CDH13: variants seen among roughly 807,000 people sequenced by gnomAD.
CDH13 encodes the protein cadherin-13.
Under a neutral mutation model 63.8 loss-of-function variants are expected in CDH13, and 24 were observed. That is an observed-to-expected ratio of 0.38 (90% CI 0.27 to 0.53). The LOEUF is 0.53. Among genes scored for constraint, CDH13 ranks in the 20% least tolerant of loss-of-function variants. The pLI is 0.85. For synonymous variants in CDH13, 503 were observed against 355.3 expected (o/e 1.42, Z -4.67); for missense variants, 1,049 against 903.1 (o/e 1.16, Z -2.07).
intron 7 of CDH13, among the ~76,000 whole-genome samples, chr16:83,499,473 G>C (rs1256193731): frequency 6.6e-6 from 1 of 152,240 alleles, no homozygotes; most frequent in African/African-American, 2.4e-5. Flanking sequence ...CCTTGTGCTA[G>C]AGAAACATCA....
chr16:82,748,677 C>G (rs2034284919), intron 1 of CDH13, among the ~76,000 whole-genome samples: 1 of 152,158 alleles, frequency 6.6e-6, no homozygotes, highest in South Asian at 2.1e-4. Context: ...ATGTTAGCCT[C>G]ACTGTGCTTG....
chr16:83,704,319 C>T (rs1598520604), intron 10 of CDH13, among the ~76,000 whole-genome samples: 1 of 152,138 alleles, frequency 6.6e-6, no homozygotes, highest in African/African-American at 2.4e-5. Context: ...CTCAAAGATA[C>T]AATAAAATGC....
At chr16:83,122,562 C>A (rs764083528) in intron 3 of CDH13, among the ~76,000 whole-genome samples, 2 of 152,178 alleles carry the variant, frequency 1.3e-5, no homozygotes, top group African/African-American at 4.8e-5. Flanking sequence ...TGACAATACA[C>A]TGAATACAAG....
intron 5 of CDH13, among the ~76,000 whole-genome samples, chr16:83,318,197 A>G (rs1336399952): frequency 6.6e-6 from 1 of 152,218 alleles, no homozygotes; most frequent in Non-Finnish European, 1.5e-5. Context: ...TTGAGAAAAG[A>G]CAAGATTATG....
At chr16:83,685,016 T>C (rs1904291214) in intron 10 of CDH13, among the ~76,000 whole-genome samples, 1 of 152,210 alleles carries the variant, frequency 6.6e-6, no homozygotes, top group Non-Finnish European at 1.5e-5. Flanking sequence ...CTCTTCCTCA[T>C]GGTCTGTTAT....
chr16:83,609,554 T>C (rs773462965), intron 8 of CDH13, among the ~76,000 whole-genome samples: 29 of 152,218 alleles, frequency 1.9e-4, no homozygotes, highest in Non-Finnish European at 2.9e-4. Context: ...TTAGTGGCTT[T>C]ATTAAACAAT....
intron 6 of CDH13, among the ~76,000 whole-genome samples, chr16:83,424,372 A>AT (rs2071822679): frequency 6.6e-6 from 1 of 152,236 alleles, no homozygotes. Context: ...TTGGTTGCAT[A>AT]TCTGCAGTAG....
chr16:83,392,145 C>G (rs1037746209), intron 6 of CDH13, among the ~76,000 whole-genome samples: 1 of 152,164 alleles, frequency 6.6e-6, no homozygotes, highest in Non-Finnish European at 1.5e-5. Context: ...TTAACCCTGC[C>G]TTGAATGACT....
intron 7 of CDH13, among the ~76,000 whole-genome samples, chr16:83,539,604 G>T (rs1037105626): frequency 6.6e-6 from 1 of 152,242 alleles, no homozygotes; most frequent in Non-Finnish European, 1.5e-5. Flanking sequence ...TTGTTGAAGT[G>T]TTGGTAACAG....
At chr16:83,274,372 T>C (rs1460218583) in intron 5 of CDH13, among the ~76,000 whole-genome samples, 1 of 152,162 alleles carries the variant, frequency 6.6e-6, no homozygotes, top group African/African-American at 2.4e-5. Context: ...GTTTATAATG[T>C]TCTTCCTGCC....
intron 5 of CDH13, among the ~76,000 whole-genome samples, chr16:83,272,557 G>T (rs116666679): frequency 1.3e-5 from 2 of 152,090 alleles, no homozygotes; most frequent in African/African-American, 4.8e-5. Flanking sequence ...GATATCCAGC[G>T]TTGCAGTCCG....
intron 2 of CDH13, among the ~76,000 whole-genome samples, chr16:82,970,328 T>C (rs191050471): frequency 3.9e-5 from 6 of 152,176 alleles, no homozygotes; most frequent in African/African-American, 4.8e-5. Flanking sequence ...CAGTCTATCA[T>C]TGATGGGCAT....
intron 7 of CDH13, among the ~76,000 whole-genome samples, chr16:83,554,676 C>A (rs1432831917): frequency 1.3e-5 from 2 of 151,932 alleles, no homozygotes; most frequent in Non-Finnish European, 2.9e-5. Flanking sequence ...CACAACCTTA[C>A]ACACACACAC....
intron 10 of CDH13, among the ~76,000 whole-genome samples, chr16:83,686,292 C>T (rs1178494897): frequency 2.0e-5 from 3 of 152,192 alleles, no homozygotes; most frequent in African/African-American, 7.2e-5. Flanking sequence ...ACTTTGTGCT[C>T]AGGGAGAGTA....
intron 10 of CDH13, among the ~76,000 whole-genome samples, chr16:83,724,428 G>A (rs1463374906): frequency 1.7e-5 from 1 of 58,350 alleles, no homozygotes; most frequent in African/African-American, 3.7e-5. Flanking sequence ...GGTGAGTGAG[G>A]AATGCATGGG....
At chr16:83,063,170 C>T (rs976403223) in intron 3 of CDH13, among the ~76,000 whole-genome samples, 10 of 152,210 alleles carry the variant, frequency 6.6e-5, no homozygotes, top group African/African-American at 2.4e-4. Flanking sequence ...CCATGTTGGC[C>T]AGGCTGGCCT....
chr16:83,749,828 G>A (rs943349910), intron 11 of CDH13, among the ~76,000 whole-genome samples: 1 of 152,162 alleles, frequency 6.6e-6, no homozygotes, highest in African/African-American at 2.4e-5. Context: ...AGAAGCCCCT[G>A]TCCAGCCTGG....
chr16:83,443,019 C>T (rs1330548696), intron 6 of CDH13, among the ~76,000 whole-genome samples: 1 of 152,212 alleles, frequency 6.6e-6, no homozygotes, highest in Non-Finnish European at 1.5e-5. Context: ...TAAAATAAAG[C>T]CCACCAAAAT....
chr16:83,570,106 C>G (rs1904436190), intron 7 of CDH13, among the ~76,000 whole-genome samples: 1 of 152,056 alleles, frequency 6.6e-6, no homozygotes, highest in South Asian at 2.1e-4. Flanking sequence ...CCTGTGTAGC[C>G]CCTGTTTTCT....
Sources: allele counts gnomAD v4.1 joint callset (sites outside exome capture counted in the v4.1 genomes callset), GRCh38; gene constraint gnomAD v4.1.1; transcripts MANE v1.5; gene names NCBI Gene and HGNC (gene_info 2026-07-23, HGNC 2026-07-21).